Variants in TTC6 observed in about 807,000 individuals in gnomAD.
TTC6 encodes tetratricopeptide repeat protein 6.
In TTC6, 172 loss-of-function variants were observed where a neutral mutation model predicts 210.4. That is an observed-to-expected ratio of 0.82 (90% confidence interval 0.72 to 0.93). TTC6 has a LOEUF of 0.93. Among genes scored for constraint, TTC6 ranks in the 40% least tolerant of loss-of-function variants. TTC6 has a pLI of 0.00. For missense variants in TTC6, 2,414 were observed against 2,318.1 expected, an observed-to-expected ratio of 1.04 and a Z score of -0.85; for synonymous variants, 804 against 819.6, an observed-to-expected ratio of 0.98 and a Z score of 0.32.
At chr14:37,820,147 A>G (rs1020338337) in intron 26 of TTC6, among the ~76,000 whole-genome samples, 1 of 152,250 alleles carries the variant, frequency 6.6e-6, no homozygotes, top group Non-Finnish European at 1.5e-5. Flanking sequence ...ACATATATTC[A>G]GAGATGAAAT....
At chr14:37,603,941 A>G (rs981346321) in intron 1 of TTC6, among the ~76,000 whole-genome samples, 1 of 152,202 alleles carries the variant, frequency 6.6e-6, no homozygotes, top group African/African-American at 2.4e-5. Context: ...GCATGGGAGT[A>G]CCCACCTCAT....
At chr14:37,648,067 G>A (rs1051922485) in intron 1 of TTC6, among the ~76,000 whole-genome samples, 1 of 152,024 alleles carries the variant, frequency 6.6e-6, no homozygotes, top group African/African-American at 2.4e-5. Flanking sequence ...TATTGCTGTT[G>A]TACATGGGAT....
chr14:37,670,325 A>G lies in TTC6; in HGVS notation c.940-9826A>G, dbSNP rs184144792. On this transcript the variant is annotated intron_variant, in intron 1 of 30. Transcript: ENST00000553443. ...AATGTGTCTTTCAAAGTTACTGACA[A>G]TATAGTGAAATGTTACGTGATTAAA... Among the ~76,000 whole-genome samples the G allele has an allele frequency of 4.6e-5, 7 of 152,274 alleles. No homozygotes were observed. The East Asian group carries it at 1.4e-3, about 29-fold the overall frequency.
At chr14:37,793,326 A>G (rs2096084771) in intron 17 of TTC6, among the ~76,000 whole-genome samples, 1 of 152,210 alleles carries the variant, frequency 6.6e-6, no homozygotes. Context: ...CAGCCAGGAT[A>G]AGCTAGGCTA....
chr14:37,793,073 C>T (rs2096084217), intron 17 of TTC6, among the ~76,000 whole-genome samples: 1 of 152,088 alleles, frequency 6.6e-6, no homozygotes, highest in Non-Finnish European at 1.5e-5. Context: ...CCCATTTATA[C>T]CACTTCACCT....
exon 12 of TTC6, chr14:37,749,843 G>A (rs2095946572): frequency 1.5e-6 from 2 of 1,375,952 alleles, no homozygotes; most frequent in African/African-American, 3.0e-5. Flanking sequence ...AAATAATACA[G>A]GTGGGTTGTC....
At chr14:37,735,632 A>G (rs993739684) in intron 7 of TTC6, among the ~76,000 whole-genome samples, 1 of 152,178 alleles carries the variant, frequency 6.6e-6, no homozygotes, top group African/African-American at 2.4e-5. Context: ...AACCTATGAG[A>G]TCATAGGATC....
chr14:37,655,960 A>G (rs552000716), intron 1 of TTC6, among the ~76,000 whole-genome samples: 1 of 152,208 alleles, frequency 6.6e-6, no homozygotes, highest in African/African-American at 2.4e-5. Flanking sequence ...AATGATTGTA[A>G]GGTGTTCATC....
chr14:37,792,518 G>T lies in TTC6; in HGVS notation c.3708+104G>T, dbSNP rs1443423311. On this transcript the variant is annotated intron_variant, in intron 17 of 30. Coordinates refer to ENST00000553443, the Ensembl canonical transcript of TTC6. The stretch of plus-strand genomic sequence containing the variant: ...ATATACATATTTTAGCTAATTGTAG[G>T]GGCTAATGCATTTATAAACAATGTG... 1.3e-5 allele frequency: 11 copies of T among 878,286 alleles called. 1 individual carries two copies. Among genetic ancestry groups the T allele is most frequent in the Non-Finnish European group, 1.6e-5 (10 of 638,086 alleles). The allele number at this position is 878,286 out of a possible 1,614,324, so 54.4% of individuals were successfully genotyped here. A position where few individuals can be genotyped will look rare whatever the true frequency, so the allele number is the denominator to read the frequency against.
At chr14:37,601,008 T>C (rs1325474759) in intron 1 of TTC6, among the ~76,000 whole-genome samples, 1 of 152,244 alleles carries the variant, frequency 6.6e-6, no homozygotes, top group Non-Finnish European at 1.5e-5. Context: ...CAGCATTTGC[T>C]TTTGCTGGGT....
At chr14:37,626,194 A>G (rs796203569) in intron 1 of TTC6, among the ~76,000 whole-genome samples, 2 of 145,180 alleles carry the variant, frequency 1.4e-5, no homozygotes, top group South Asian at 4.6e-4. Flanking sequence ...TAGAAATGTT[A>G]TGAATGTTTG....
chr14:37,714,124 C>T (rs930941140), intron 5 of TTC6, among the ~76,000 whole-genome samples: 2 of 152,078 alleles, frequency 1.3e-5, no homozygotes, highest in Non-Finnish European at 2.9e-5. Context: ...ATCTGTTTAG[C>T]TTAATCTTTT....
intron 1 of TTC6, among the ~76,000 whole-genome samples, chr14:37,678,356 G>A (rs2095774968): frequency 6.6e-6 from 1 of 152,058 alleles, no homozygotes; most frequent in African/African-American, 2.4e-5. Flanking sequence ...TGAGCTCTGG[G>A]AATTGTGACT....
chr14:37,813,531 A>G (rs906857376), intron 25 of TTC6, among the ~76,000 whole-genome samples: 6 of 152,190 alleles, frequency 3.9e-5, no homozygotes, highest in African/African-American at 1.2e-4. Flanking sequence ...CTAAACAACT[A>G]TTGCACAGTT....
intron 26 of TTC6, among the ~76,000 whole-genome samples, chr14:37,818,298 A>C (rs1434377267): frequency 6.6e-6 from 1 of 152,160 alleles, no homozygotes; most frequent in Non-Finnish European, 1.5e-5. Context: ...ATAATATTAT[A>C]GTATATAGAC....
chr14:37,804,647 TCTTGCCC>T lies in TTC6; in HGVS notation c.4030-31_4030-25del, dbSNP rs376286150. ...TAAATCAATAGTGGAAAGAAACATT[TCTTGCCC>T]CCTCCCTGCTTTTTTATCATTATAG... On this transcript the variant is annotated intron_variant, in intron 20 of 30. Coordinates refer to ENST00000553443, the Ensembl canonical transcript of TTC6. 75 of 1,601,600 alleles carry T rather than the reference TCTTGCCC, an allele frequency of 4.7e-5. No homozygotes were observed. In the African/African-American group the frequency reaches 8.9e-4, roughly 19 times the overall value.
chr14:37,732,206 A>ACG, intron 7 of TTC6, among the ~76,000 whole-genome samples: 1 of 101,466 alleles, frequency 9.9e-6, no homozygotes, highest in Non-Finnish European at 1.8e-5. Context: ...TTTTTGAGAG[A>ACG]GAGTCTCACT....
chr14:37,714,614 A>G (rs936672768), intron 5 of TTC6, 41 bp from the exon 8 acceptor site: 26 of 1,510,508 alleles, frequency 1.7e-5, no homozygotes, highest in East Asian at 2.5e-5. Context: ...TACTTTGTCA[A>G]TTACTTAAAA....
intron 7 of TTC6, among the ~76,000 whole-genome samples, chr14:37,727,044 A>G (rs1339359804): frequency 6.6e-6 from 1 of 151,792 alleles, no homozygotes; most frequent in Non-Finnish European, 1.5e-5. Context: ...TAGTATACTC[A>G]TACCAGTATA....
Sources: allele counts gnomAD v4.1 joint callset (sites outside exome capture counted in the v4.1 genomes callset), GRCh38; gene constraint gnomAD v4.1.1; transcripts MANE v1.5; gene names NCBI Gene and HGNC (gene_info 2026-07-23, HGNC 2026-07-21).